The following ITGA2 variants were observed in gnomAD, a reference collection of about 807,000 sequenced individuals.
ITGA2 encodes integrin alpha-2.
ITGA2 carries 101 observed loss-of-function variants against 146.3 expected under a neutral mutation model. That is an observed-to-expected ratio of 0.69 (90% CI 0.59 to 0.81). The LOEUF is 0.81. Among genes scored for constraint, ITGA2 ranks in the 40% least tolerant of loss-of-function variants. ITGA2 has a pLI of 0.00. For missense variants in ITGA2, 1,281 were observed against 1,402.7 expected (o/e 0.91, Z 1.39); for synonymous variants, 477 against 487.1 (o/e 0.98, Z 0.27).
chr5:53,012,678 C>G (rs1374483641), intron 1 of ITGA2, among the ~76,000 whole-genome samples: 1 of 152,178 alleles, frequency 6.6e-6, no homozygotes, highest in Non-Finnish European at 1.5e-5. Flanking sequence ...AGTCACCAAA[C>G]TGCTTTCCAC....
Position 52,989,391 on chromosome 5 carries a change from T to C in ITGA2, c.-78T>C. 6.9e-7 allele frequency: 1 copy of C among 1,455,240 alleles called. No homozygotes were observed. The highest frequency in any genetic ancestry group is 1.1e-5 in the South Asian group (1 of 87,626). 90.1% of individuals were successfully genotyped at this position (1,455,240 alleles called of 1,614,324 possible). On this transcript the variant is annotated 5_prime_UTR_variant, in exon 1 of 30. Transcript: ENST00000296585. ...GACAGCTTCTAGAGTGTGCAGGTTCTCGTATCCCTCGGCCAAGGGTATCCT... is the reference window on the plus strand; with the variant it reads ...GACAGCTTCTAGAGTGTGCAGGTTCCCGTATCCCTCGGCCAAGGGTATCCT...
intron 23 of ITGA2, 137 bp downstream of exon 23, chr5:53,075,441 C>T: frequency 4.0e-6 from 3 of 748,362 alleles, no homozygotes; most frequent in Non-Finnish European, 2.3e-6. Context: ...TCAACTAAAA[C>T]AGGAGTCCAC....
At chr5:53,002,411 ATATT>A (rs1741628129) in intron 1 of ITGA2, among the ~76,000 whole-genome samples, 3 of 152,274 alleles carry the variant, frequency 2.0e-5, no homozygotes, top group Admixed American at 6.5e-5. Context: ...AACAGAAAAA[ATATT>A]TATATTTCTT....
At chr5:53,056,730 T>C (rs1200586300) in intron 9 of ITGA2, among the ~76,000 whole-genome samples, 1 of 151,920 alleles carries the variant, frequency 6.6e-6, no homozygotes, top group Admixed American at 6.6e-5. Flanking sequence ...AATAATTTAC[T>C]TAGGTGGCCT....
chr5:53,014,373 T>C (rs947671909), intron 1 of ITGA2, among the ~76,000 whole-genome samples: 17 of 152,174 alleles, frequency 1.1e-4, no homozygotes, highest in Admixed American at 3.9e-4. Flanking sequence ...GGTTTTTGTT[T>C]TTAGTTCTGT....
chr5:53,012,147 A>G (rs1303359185), intron 1 of ITGA2, among the ~76,000 whole-genome samples: 1 of 152,146 alleles, frequency 6.6e-6, no homozygotes, highest in Admixed American at 6.5e-5. Context: ...TGAGGACTGT[A>G]TTTTAAATTT....
intron 22 of ITGA2, 26 bp from the exon 23 acceptor site, chr5:53,075,195 T>C: frequency 6.2e-7 from 1 of 1,609,214 alleles, no homozygotes; most frequent in Non-Finnish European, 8.5e-7. Context: ...TCTCTTTAAG[T>C]AATTTCCTAA....
In ITGA2 at chr5:53,000,908, T is replaced by G. The variant is rs1447946015; in HGVS notation, c.64+11376T>G. ...TTCTTTTTCTTTTTGTTTTTTTTTT[T>G]TTTTTTTTTTCTTGATGAAGTCCAG... On this transcript the variant is annotated intron_variant, in intron 1 of 29. Coordinates refer to ENST00000296585, the MANE Select transcript of ITGA2 (RefSeq NM_002203.4). Among the ~76,000 whole-genome samples the G allele has an allele frequency of 2.7e-5, 4 of 145,724 alleles. 1 individual carries two copies. Among genetic ancestry groups the G allele is most frequent in the African/African-American group, 5.0e-5 (2 of 39,728 alleles).
Position 53,067,337 on chromosome 5 carries a change from G to GT in ITGA2, c.2083+81dup, listed in dbSNP as rs929864606. On this transcript the variant is annotated intron_variant, in intron 16 of 29. Transcript: ENST00000296585. ...TCCTGAATATAACATATTTTGGTTT[G>GT]TAGGCCAAGAGAAATAAGGGTTTTA... is the stretch of plus-strand genomic sequence containing the variant. The GT allele has an allele frequency of 1.2e-5, 18 of 1,514,470 alleles. No individual in the cohort carries two copies. In the African/African-American group the frequency reaches 2.2e-4, roughly 19 times the overall value. The allele number at this position is 1,514,470 out of a possible 1,614,324, so 93.8% of individuals were successfully genotyped here.
Position 53,065,118 on chromosome 5 carries a change from A to ACAGCTC in ITGA2, c.1806+3_1806+4insCAGCTC. ...CTATCCGCACAAAGTATTCCCAGGTAATCCATGAGCTGTTATGGTGATGTA... is the reference window on the plus strand; with the variant it reads ...CTATCCGCACAAAGTATTCCCAGGTACAGCTCATCCATGAGCTGTTATGGTGATGTA... On this transcript the variant is annotated splice_donor_region_variant and intron_variant, in intron 14 of 29. Coordinates refer to ENST00000296585, the MANE Select transcript of ITGA2 (RefSeq NM_002203.4). 2 of 1,611,884 alleles carry ACAGCTC rather than the reference A, an allele frequency of 1.2e-6. No homozygotes were observed. The highest frequency in any genetic ancestry group is 1.7e-6 in the Non-Finnish European group (2 of 1,178,452).
chr5:52,989,970 C>A (rs1740852041), intron 1 of ITGA2: 1 of 207,544 alleles, frequency 4.8e-6, no homozygotes, highest in Admixed American at 5.2e-5. Flanking sequence ...AATCCGGAAT[C>A]CATTGCTGAT....
intron 2 of ITGA2, among the ~76,000 whole-genome samples, chr5:53,035,007 T>C (rs370784768): frequency 6.6e-6 from 1 of 152,340 alleles, no homozygotes; most frequent in East Asian, 1.9e-4. Context: ...AGTTATACAC[T>C]TGACCTCACA....
chr5:53,062,257 A>AT (rs974436574), intron 12 of ITGA2, among the ~76,000 whole-genome samples: 1 of 151,824 alleles, frequency 6.6e-6, no homozygotes, highest in Non-Finnish European at 1.5e-5. Context: ...TTTGAATGAT[A>AT]TTTTAACTTT....
At chr5:53,039,988 A>AT (rs1347222443) in intron 2 of ITGA2, among the ~76,000 whole-genome samples, 29 of 151,762 alleles carry the variant, frequency 1.9e-4, no homozygotes, top group Admixed American at 5.9e-4. Flanking sequence ...GGGCAATATG[A>AT]TTTTTTTTAA....
At chr5:53,066,018 C>G in intron 15 of ITGA2, 41 bp downstream of exon 15, 1 of 1,590,786 alleles carries the variant, frequency 6.3e-7, no homozygotes, top group Non-Finnish European at 8.6e-7. Flanking sequence ...CTAAAAATTA[C>G]CTGCTAAGAA....
chr5:52,991,533 CTTAAA>C (rs968862230), intron 1 of ITGA2, among the ~76,000 whole-genome samples: 7 of 151,998 alleles, frequency 4.6e-5, no homozygotes, highest in East Asian at 3.9e-4. Flanking sequence ...TTATGATGAT[CTTAAA>C]TTAAGAGAAA....
At chr5:52,989,851 C>T (rs548149770) in intron 1 of ITGA2, among the ~76,000 whole-genome samples, 131 of 148,974 alleles carry the variant, frequency 8.8e-4, no homozygotes, top group African/African-American at 3.0e-3. Flanking sequence ...GACACGCACG[C>T]ACTCAAGCAT....
chr5:53,073,305 A>G, intron 20 of ITGA2, 46 bp downstream of exon 20: 1 of 1,596,068 alleles, frequency 6.3e-7, no homozygotes, highest in Non-Finnish European at 8.6e-7. Flanking sequence ...CTTCCTACTT[A>G]TAGATCACTG....
At chr5:53,010,155 G>A (rs911442350) in intron 1 of ITGA2, among the ~76,000 whole-genome samples, 1 of 152,104 alleles carries the variant, frequency 6.6e-6, no homozygotes, top group Non-Finnish European at 1.5e-5. Context: ...CCTGTGGAGA[G>A]CTCTTTTGTT....
Sources: allele counts gnomAD v4.1 joint callset (sites outside exome capture counted in the v4.1 genomes callset), GRCh38; gene constraint gnomAD v4.1.1; transcripts MANE v1.5; gene names NCBI Gene and HGNC (gene_info 2026-07-23, HGNC 2026-07-21).